Variants in ESRRG observed in about 807,000 individuals in gnomAD.
ESRRG encodes estrogen-related receptor gamma.
ESRRG carries 13 observed loss-of-function variants against 44.0 expected under a neutral mutation model. The ratio of observed to expected loss-of-function variants is 0.30; its 90% CI spans 0.19 to 0.47. The LOEUF (loss-of-function observed/expected upper bound fraction) is 0.47, where lower values mean the gene tolerates loss of function less well. Among genes scored for constraint, ESRRG ranks in the 20% least tolerant of loss-of-function variants. The pLI, the probability that ESRRG is intolerant of heterozygous loss-of-function variation, is 1.00. For synonymous variants in ESRRG, 215 were observed against 214.6 expected (o/e 1.00, Z -0.02); for missense variants, 395 against 580.6 (o/e 0.68, Z 3.29).
intron 1 of ESRRG, among the ~76,000 whole-genome samples, chr1:216,983,135 G>A (rs937561569): frequency 6.7e-6 from 1 of 149,224 alleles, no homozygotes; most frequent in Non-Finnish European, 1.5e-5. Flanking sequence ...TTAAATGAAA[G>A]AATTCATTAA....
chr1:216,521,125 T>G lies in ESRRG; in HGVS notation c.863-1704A>C, dbSNP rs549113114. Among the ~76,000 whole-genome samples the G allele has an allele frequency of 2.0e-5, 3 of 152,310 alleles. No homozygotes were observed. In the East Asian group the frequency reaches 5.8e-4, roughly 29 times the overall value. On this transcript the variant is annotated intron_variant, in intron 5 of 6. Transcript: ENST00000408911. ...GGTGCTTACATGTTATTTGACAGGA[T>G]TTCTTTTGGACTGGCTGTGTAAGTC...
At chr1:216,623,680 T>C (rs2150525555) in intron 3 of ESRRG, among the ~76,000 whole-genome samples, 1 of 152,236 alleles carries the variant, frequency 6.6e-6, no homozygotes, top group South Asian at 2.1e-4. Flanking sequence ...ACTTACCCAA[T>C]GTCACGTTAA....
chr1:216,776,015 C>T (rs1361313581), intron 2 of ESRRG, among the ~76,000 whole-genome samples: 2 of 152,036 alleles, frequency 1.3e-5, no homozygotes, highest in Admixed American at 6.6e-5. Flanking sequence ...CCTTGATTCT[C>T]TCCAACAAAA....
intron 2 of ESRRG, among the ~76,000 whole-genome samples, chr1:216,901,413 G>C (rs1345998188): frequency 6.6e-6 from 1 of 152,000 alleles, no homozygotes; most frequent in Non-Finnish European, 1.5e-5. Flanking sequence ...TGCCTCCCAG[G>C]CTGGAGTGCA....
intron 1 of ESRRG, among the ~76,000 whole-genome samples, chr1:217,088,426 TGAGA>T (rs1233452415): frequency 6.9e-5 from 7 of 101,088 alleles, no homozygotes; most frequent in African/African-American, 1.8e-4. Flanking sequence ...TTTTTTTTTT[TGAGA>T]GAGAGAGAGA....
intron 1 of ESRRG, chr1:216,715,176 C>T (rs1182200540): frequency 1.0e-6 from 1 of 985,122 alleles, no homozygotes; most frequent in Non-Finnish European, 1.2e-6. Flanking sequence ...TAGTTCAGTA[C>T]AATTCAGCTG....
At chr1:216,928,356 C>T (rs1192486436) in intron 2 of ESRRG, among the ~76,000 whole-genome samples, 1 of 152,172 alleles carries the variant, frequency 6.6e-6, no homozygotes, top group Non-Finnish European at 1.5e-5. Context: ...AGCCATCCCA[C>T]TCCTCCATTT....
chr1:216,531,233 T>C lies in ESRRG; in HGVS notation c.863-11812A>G, dbSNP rs2049278620. 2.6e-5 allele frequency among the ~76,000 whole-genome samples: 4 copies of C among 152,272 alleles called. No homozygotes were observed. In the South Asian group the frequency reaches 8.3e-4, roughly 32 times the overall value. ...AAATAATATTAGAAATCCTTACTAC[T>C]GATGCTTAAAGACCTAGGCATAATT... is the stretch of plus-strand genomic sequence containing the variant. On this transcript the variant is annotated intron_variant, in intron 5 of 6. Coordinates refer to ENST00000408911, the MANE Select transcript of ESRRG (RefSeq NM_001438.4).
rs80069886 is a variant in ESRRG at position 216,828,519 on chromosome 1, A to C, written c.-14+111063T>G. ...CATAACAATAGTAAGAGTTTTATAA[A>C]TATTTAAAACAAGGAAGATCAAAAT... On this transcript the variant is annotated intron_variant, in intron 2 of 7. Coordinates refer to the ESRRG transcript ENST00000359162. Among the ~76,000 whole-genome samples the C allele has an allele frequency of 7.0e-3, 1,070 of 152,248 alleles. 18 individuals are homozygous for C. The highest frequency in any genetic ancestry group is 0.024 in the African/African-American group (1,013 of 41,530).
rs116471814 is a variant in ESRRG at position 216,996,577 on chromosome 1, A to G, written c.-105-56904T>C. Reference sequence around the variant, plus strand: ...AAGGTGAGAAATAAAGGTGAGAAAGAGTCAAGGAGTAGCCAAAAAAGGTAA... The same window carrying G: ...AAGGTGAGAAATAAAGGTGAGAAAGGGTCAAGGAGTAGCCAAAAAAGGTAA... On this transcript the variant is annotated intron_variant, in intron 1 of 7. Coordinates refer to the ESRRG transcript ENST00000359162. Among the ~76,000 whole-genome samples the G allele has an allele frequency of 7.4e-3, 1,122 of 152,282 alleles. 15 individuals are homozygous for G. Among genetic ancestry groups the G allele is most frequent in the African/African-American group, 0.026 (1,067 of 41,556 alleles).
intron 5 of ESRRG, among the ~76,000 whole-genome samples, chr1:216,539,346 C>G (rs915708340): frequency 1.4e-4 from 21 of 152,096 alleles, no homozygotes; most frequent in African/African-American, 4.6e-4. Flanking sequence ...CCTGACATCA[C>G]TTGAAAATAT....
At chr1:216,735,053 T>G (rs879492061) in intron 2 of ESRRG, among the ~76,000 whole-genome samples, 4 of 150,426 alleles carry the variant, frequency 2.7e-5, no homozygotes, top group African/African-American at 7.4e-5. Context: ...GGATTACAGG[T>G]GCCTGCCACC....
Position 217,042,364 on chromosome 1 carries a change from A to T in ESRRG, c.-106+47143T>A, listed in dbSNP as rs115477862. 6.7e-3 allele frequency among the ~76,000 whole-genome samples: 1,026 copies of T among 152,160 alleles called. 8 individuals carry two copies. Among genetic ancestry groups the T allele is most frequent in the African/African-American group, 0.023 (944 of 41,494 alleles). The stretch of plus-strand genomic sequence containing the variant: ...CCACCAATTTCTTTGATTCCCAAGA[A>T]TGGAGAGCACTGCAGTGTGACTCAG... On this transcript the variant is annotated intron_variant, in intron 1 of 7. Transcript: ENST00000359162.
chr1:216,711,300 G>T (rs1307452656), intron 1 of ESRRG, among the ~76,000 whole-genome samples: 3 of 152,108 alleles, frequency 2.0e-5, no homozygotes, highest in Admixed American at 6.6e-5. Context: ...AGCCAATAAA[G>T]CATCCTCGGC....
At chr1:216,639,118 A>G (rs1446567656) in intron 3 of ESRRG, among the ~76,000 whole-genome samples, 1 of 152,188 alleles carries the variant, frequency 6.6e-6, no homozygotes, top group Non-Finnish European at 1.5e-5. Flanking sequence ...CTAAGAGAGC[A>G]GAGAGGTGAA....
intron 5 of ESRRG, among the ~76,000 whole-genome samples, chr1:216,561,267 C>T (rs530021131): frequency 2.8e-4 from 42 of 152,112 alleles, no homozygotes; most frequent in Non-Finnish European, 3.5e-4. Context: ...CGATGCTAAA[C>T]TTAATTTTAA....
intron 3 of ESRRG, among the ~76,000 whole-genome samples, chr1:216,641,595 A>G (rs1176109364): frequency 6.6e-6 from 1 of 152,228 alleles, no homozygotes; most frequent in Non-Finnish European, 1.5e-5. Context: ...TTCATTTTCT[A>G]AAAACTCAGC....
intron 1 of ESRRG, among the ~76,000 whole-genome samples, chr1:217,130,173 C>T (rs920265022): frequency 1.3e-5 from 2 of 152,078 alleles, no homozygotes; most frequent in Admixed American, 6.5e-5. Flanking sequence ...ATCATTTGCC[C>T]TTTGATCTTG....
chr1:217,069,724 A>G (rs1190929057), intron 1 of ESRRG, among the ~76,000 whole-genome samples: 1 of 152,170 alleles, frequency 6.6e-6, no homozygotes, highest in African/African-American at 2.4e-5. Flanking sequence ...TCTGCTCTAC[A>G]GAGTGCCAGT....
Sources: allele counts gnomAD v4.1 joint callset (sites outside exome capture counted in the v4.1 genomes callset), GRCh38; gene constraint gnomAD v4.1.1; transcripts MANE v1.5; gene names NCBI Gene and HGNC (gene_info 2026-07-23, HGNC 2026-07-21).